The following STXBP5 variants were observed in gnomAD, a reference collection of about 807,000 sequenced individuals.
STXBP5 encodes syntaxin-binding protein 5.
In STXBP5, 50 loss-of-function variants were observed where a neutral mutation model predicts 152.4. The ratio of observed to expected loss-of-function variants is 0.33; its 90% confidence interval spans 0.26 to 0.42. The LOEUF (loss-of-function observed/expected upper bound fraction) is 0.42, where lower values mean the gene tolerates loss of function less well. Ranked by LOEUF, STXBP5 falls within the 10% of genes least tolerant of loss-of-function variation. STXBP5 has a pLI of 1.00. For synonymous variants in STXBP5, 492 were observed against 494.7 expected (o/e 0.99, Z 0.07); for missense variants, 1,167 against 1,388.6 (o/e 0.84, Z 2.54).
chr6:147,234,767 T>G (rs1778185082), intron 2 of STXBP5, among the ~76,000 whole-genome samples: 1 of 151,962 alleles, frequency 6.6e-6, no homozygotes, highest in African/African-American at 2.4e-5. Flanking sequence ...CATTATATTT[T>G]TAGCGTTACT....
At chr6:147,357,586 G>T (rs1331552167) in intron 22 of STXBP5, among the ~76,000 whole-genome samples, 2 of 152,130 alleles carry the variant, frequency 1.3e-5, no homozygotes. Context: ...GTGAGATGCT[G>T]CGGGTGAGGA....
intron 22 of STXBP5, among the ~76,000 whole-genome samples, chr6:147,355,573 G>C (rs192648577): frequency 6.6e-6 from 1 of 152,234 alleles, no homozygotes; most frequent in African/African-American, 2.4e-5. Flanking sequence ...TGATATGGCT[G>C]TCTGGAGTTG....
At chr6:147,254,356 T>A (rs1779251761) in intron 4 of STXBP5, among the ~76,000 whole-genome samples, 1 of 151,944 alleles carries the variant, frequency 6.6e-6, no homozygotes, top group African/African-American at 2.4e-5. Context: ...GAAAACCTAT[T>A]CAAAACCATT....
intron 3 of STXBP5, among the ~76,000 whole-genome samples, chr6:147,236,856 G>A (rs1201256977): frequency 6.7e-6 from 1 of 148,788 alleles, no homozygotes; most frequent in Non-Finnish European, 1.5e-5. Context: ...TTGACTCACT[G>A]CAACCTCCGC....
chr6:147,338,475 A>T (rs1381372106), intron 19 of STXBP5, among the ~76,000 whole-genome samples: 1 of 151,942 alleles, frequency 6.6e-6, no homozygotes, highest in Non-Finnish European at 1.5e-5. Context: ...ATAATAAAAG[A>T]TATGTTATAA....
At chr6:147,298,059 AT>A (rs1781617508) in intron 9 of STXBP5, among the ~76,000 whole-genome samples, 1 of 152,098 alleles carries the variant, frequency 6.6e-6, no homozygotes, top group Non-Finnish European at 1.5e-5. Context: ...TATAAGAGAT[AT>A]AGCATGAATG....
At chr6:147,291,221 T>G in intron 9 of STXBP5, 49 bp downstream of exon 9, 2 of 1,445,800 alleles carry the variant, frequency 1.4e-6, no homozygotes, top group Non-Finnish European at 1.9e-6. Context: ...AGTCCTCAAA[T>G]AGCATGGAAG....
Position 147,382,926 on chromosome 6 carries a change from A to G in STXBP5, c.3342A>G (p.Lys1114=). 1 of 1,613,518 alleles carries G rather than the reference A, an allele frequency of 6.2e-7. No individual in the cohort carries two copies. Among genetic ancestry groups the G allele is most frequent in the Non-Finnish European group, 8.5e-7 (1 of 1,179,680 alleles). ...TGGCACTAGATGAAAGAGGGCAGAAACTTGGCGATCTGGAAGAAAGAACTG... is the reference window on the plus strand; with the variant it reads ...TGGCACTAGATGAAAGAGGGCAGAAGCTTGGCGATCTGGAAGAAAGAACTG... ...ARLALDERGQ[K]LGDLEERTAA... Residue 1114 remains lysine, a synonymous_variant, in exon 27 of 28, where the codon AAA becomes AAG. Coordinates refer to ENST00000321680, the MANE Select transcript of STXBP5 (RefSeq NM_001127715.4).
intron 18 of STXBP5, 105 bp from the exon 19 acceptor site, chr6:147,334,052 G>T (rs1383873398): frequency 1.7e-5 from 18 of 1,062,118 alleles, no homozygotes; most frequent in Non-Finnish European, 2.3e-5. Context: ...TTAATTTATT[G>T]GGTTCTTTTA....
In STXBP5 at chr6:147,267,143, C is replaced by T. The variant is rs750710738; in HGVS notation, c.690C>T (p.Ala230=). The T allele has an allele frequency of 2.5e-5, 40 of 1,609,646 alleles. No individual in the cohort carries two copies. The highest frequency in any genetic ancestry group is 9.4e-5 in the African/African-American group (7 of 74,498). The part of the protein sequence containing the change: ...VVLWDLKSKK[A]DYRYTYDEAI... Reference sequence around the variant, plus strand: ...TATGGGACCTCAAATCAAAGAAAGCCGACTACAGATACACATATGATGAGG... The same window carrying T: ...TATGGGACCTCAAATCAAAGAAAGCTGACTACAGATACACATATGATGAGG... The change falls in exon 7 of 28, where the codon GCC becomes GCT. Residue 230 remains alanine (A), a synonymous_variant. Coordinates refer to ENST00000321680, the MANE Select transcript of STXBP5 (RefSeq NM_001127715.4).
At chr6:147,213,473 T>TGCGCGCGCGCGCGCGC (rs1402421132) in intron 2 of STXBP5, among the ~76,000 whole-genome samples, 1 of 126,426 alleles carries the variant, frequency 7.9e-6, no homozygotes, top group Non-Finnish European at 1.8e-5. Context: ...TGTGTGTGTG[T>TGCGCGCGCGCGCGCGC]GTGTGCGCGC....
Position 147,389,117 on chromosome 6 carries a change from A to G in STXBP5, c.*4362A>G, listed in dbSNP as rs1786473932. ...CCCACAGATTTTTCTTTTCATTTGA[A>G]AATGAATGTGAAGATACTGTTTACA... On this transcript the variant is annotated 3_prime_UTR_variant, in exon 28 of 28. Transcript: ENST00000321680. 6.6e-6 allele frequency: 1 copy of G among 151,678 alleles called. No homozygotes were observed. Among genetic ancestry groups the G allele is most frequent in the Non-Finnish European group, 1.5e-5 (1 of 67,694 alleles). The allele number at this position is 151,678 out of a possible 1,614,324, so 9.4% of individuals were successfully genotyped here.
intron 8 of STXBP5, among the ~76,000 whole-genome samples, chr6:147,284,291 A>T (rs757235816): frequency 6.6e-6 from 1 of 152,170 alleles, no homozygotes; most frequent in Non-Finnish European, 1.5e-5. Flanking sequence ...AACACTTAAA[A>T]TATGTTCCTC....
intron 26 of STXBP5, among the ~76,000 whole-genome samples, chr6:147,378,480 T>C (rs1287427560): frequency 6.6e-6 from 1 of 151,406 alleles, no homozygotes; most frequent in Non-Finnish European, 1.5e-5. Flanking sequence ...CAAATGTCAC[T>C]CTTAATGCAG....
At chr6:147,217,582 A>C (rs187116787) in intron 2 of STXBP5, among the ~76,000 whole-genome samples, 84 of 152,368 alleles carry the variant, frequency 5.5e-4, no homozygotes, top group African/African-American at 1.7e-3. Flanking sequence ...CAAAACAGTG[A>C]ATATTAAGAA....
intron 4 of STXBP5, among the ~76,000 whole-genome samples, chr6:147,253,431 A>G (rs980797507): frequency 4.6e-5 from 7 of 152,204 alleles, no homozygotes; most frequent in Admixed American, 2.0e-4. Context: ...CTCCTGTCCA[A>G]CATAGTATTG....
intron 7 of STXBP5, among the ~76,000 whole-genome samples, chr6:147,273,842 C>G (rs1056956154): frequency 6.6e-6 from 1 of 151,828 alleles, no homozygotes; most frequent in Non-Finnish European, 1.5e-5. Context: ...GTCCCAGCTA[C>G]TCGGGAGGCT....
intron 18 of STXBP5, 69 bp from the exon 19 acceptor site, chr6:147,334,088 A>G (rs1210229106): frequency 2.0e-6 from 3 of 1,492,184 alleles, no homozygotes; most frequent in Non-Finnish European, 2.8e-6. Flanking sequence ...AATGTGTACT[A>G]TAAATAAAAG....
intron 2 of STXBP5, among the ~76,000 whole-genome samples, chr6:147,229,700 A>C (rs1453573099): frequency 6.6e-6 from 1 of 151,790 alleles, no homozygotes; most frequent in Non-Finnish European, 1.5e-5. Context: ...ATTTTTATGT[A>C]TATTGGTCTT....
Sources: gnomAD v4.1 joint callset for allele counts (sites outside exome capture counted in the v4.1 genomes callset) on GRCh38, gnomAD v4.1.1 for gene constraint, MANE v1.5 for transcripts, NCBI Gene and HGNC (gene_info 2026-07-23, HGNC 2026-07-21) for gene names.